Variants in MPRIP observed in about 807,000 individuals in gnomAD.
MPRIP encodes the protein myosin phosphatase Rho interacting protein, also known as myosin phosphatase Rho-interacting protein.
Under a neutral mutation model 234.9 loss-of-function variants are expected in MPRIP, and 59 were observed. The observed-to-expected ratio is 0.25, with a 90% CI of 0.20 to 0.31. The LOEUF (loss-of-function observed/expected upper bound fraction) is 0.31, where lower values mean the gene tolerates loss of function less well. MPRIP is among the 10% of genes least tolerant of loss of function. The pLI, the probability that MPRIP is intolerant of heterozygous loss-of-function variation, is 1.00. For missense variants in MPRIP, 2,436 were observed against 3,071.0 expected, an observed-to-expected ratio of 0.79 and a Z score of 4.89; for synonymous variants, 1,144 against 1,263.9, an observed-to-expected ratio of 0.91 and a Z score of 2.01.
At position 17,177,156 on chromosome 17, in the gene MPRIP, C is replaced by T. The variant is rs550811773; in HGVS notation, c.6958-94C>T. ...CTCCTCTTCCGCCCACAGCAAGCCT[C>T]CCTACCGTGTTCAGTCCCCAGGAAG... On this transcript the variant is annotated intron_variant, in intron 21 of 23. Coordinates refer to ENST00000651222, the MANE Select transcript of MPRIP (RefSeq NM_001364716.4). 1.2e-5 allele frequency: 15 copies of T among 1,269,588 alleles called. No individual in the cohort carries two copies. The South Asian group carries it at 1.7e-4, about 15-fold the overall frequency. The allele number at this position is 1,269,588 out of a possible 1,614,324, so 78.6% of individuals were successfully genotyped here.
chr17:17,064,168 A>T (rs573189290), intron 1 of MPRIP, among the ~76,000 whole-genome samples: 1 of 151,510 alleles, frequency 6.6e-6, no homozygotes. Context: ...TGCAGAGGCC[A>T]CAGTGGCTGA....
chr17:17,176,328 G>A, intron 20 of MPRIP, 98 bp from the exon 21 acceptor site: 3 of 892,606 alleles, frequency 3.4e-6, no homozygotes, highest in Non-Finnish European at 5.6e-6. Flanking sequence ...CCTGCTCACT[G>A]GTGATTGGAG....
rs947873279 is a variant in MPRIP at position 17,068,427 on chromosome 17, G to A, written c.124-7283G>A. ...GGCCTCCCAAAGTGCTGGAATTACAGGCATGAACCACCGCGCCTGGCTGAA... is the reference window on the plus strand; with the variant it reads ...GGCCTCCCAAAGTGCTGGAATTACAAGCATGAACCACCGCGCCTGGCTGAA... On this transcript the variant is annotated intron_variant, in intron 1 of 23. Coordinates refer to ENST00000651222, the MANE Select transcript of MPRIP (RefSeq NM_001364716.4). Among the ~76,000 whole-genome samples, 7 of 152,096 alleles carry A rather than the reference G, an allele frequency of 4.6e-5. No homozygotes were observed. The South Asian group carries it at 1.0e-3, about 23-fold the overall frequency.
intron 20 of MPRIP, among the ~76,000 whole-genome samples, chr17:17,176,187 G>A (rs966356233): frequency 1.3e-5 from 2 of 152,166 alleles, no homozygotes; most frequent in African/African-American, 4.8e-5. Context: ...AGCACCCCAG[G>A]CTGAGGAGGG....
chr17:17,131,031 AC>A (rs1453785133), intron 4 of MPRIP, among the ~76,000 whole-genome samples: 1 of 152,074 alleles, frequency 6.6e-6, no homozygotes, highest in Non-Finnish European at 1.5e-5. Flanking sequence ...CCCTTGCTGC[AC>A]CCCTGGTGTC....
intron 8 of MPRIP, 138 bp from the exon 9 acceptor site, chr17:17,143,418 A>G (rs1597454005): frequency 2.0e-6 from 1 of 505,974 alleles, no homozygotes; most frequent in East Asian, 3.5e-5. Context: ...CAGACTTGCT[A>G]TGGTGGCTAG....
intron 3 of MPRIP, among the ~76,000 whole-genome samples, chr17:17,092,522 C>A (rs1022348548): frequency 6.6e-6 from 1 of 152,164 alleles, no homozygotes; most frequent in South Asian, 2.1e-4. Context: ...GGCCAGAGCC[C>A]AGTTGGTGGG....
chr17:17,062,193 T>C (rs568084057), intron 1 of MPRIP, among the ~76,000 whole-genome samples: 72 of 152,224 alleles, frequency 4.7e-4, no homozygotes, highest in African/African-American at 1.7e-3. Flanking sequence ...AGGGGTTCCC[T>C]AACTACACCT....
chr17:17,090,089 G>A (rs2089680437), intron 3 of MPRIP, among the ~76,000 whole-genome samples: 1 of 152,200 alleles, frequency 6.6e-6, no homozygotes, highest in African/African-American at 2.4e-5. Flanking sequence ...CGTCTTGTTG[G>A]TGAGACTGGT....
chr17:17,058,724 A>C (rs769212234), intron 1 of MPRIP, among the ~76,000 whole-genome samples: 37 of 152,332 alleles, frequency 2.4e-4, no homozygotes, highest in Non-Finnish European at 5.0e-4. Flanking sequence ...CAGATGGACC[A>C]TATGTAACAC....
chr17:17,080,450 G>T (rs565560098), intron 3 of MPRIP, among the ~76,000 whole-genome samples: 35 of 152,360 alleles, frequency 2.3e-4, no homozygotes, highest in African/African-American at 7.9e-4. Flanking sequence ...CTCCATTTCA[G>T]ATAGGCTTAT....
intron 3 of MPRIP, among the ~76,000 whole-genome samples, chr17:17,108,986 C>T (rs1043965157): frequency 6.6e-6 from 1 of 152,204 alleles, no homozygotes; most frequent in Non-Finnish European, 1.5e-5. Flanking sequence ...CAACTTCTCC[C>T]GCCGGCTGTG....
At chr17:17,172,855 C>T (rs1597508640) in intron 18 of MPRIP, 40 bp downstream of exon 18, 1 of 1,547,996 alleles carries the variant, frequency 6.5e-7, no homozygotes, top group African/African-American at 1.4e-5. Flanking sequence ...TGGGAGGGCC[C>T]CTCTGGGGTG....
At chr17:17,096,815 G>C (rs1413507851) in intron 3 of MPRIP, 2 of 471,040 alleles carry the variant, frequency 4.2e-6, no homozygotes, top group African/African-American at 4.0e-5. Context: ...CCACAAGGGA[G>C]CTTGGATTCA....
At chr17:17,111,595 G>T (rs2090172628) in intron 3 of MPRIP, among the ~76,000 whole-genome samples, 1 of 152,218 alleles carries the variant, frequency 6.6e-6, no homozygotes, top group South Asian at 2.1e-4. Context: ...CCATGCTGGG[G>T]AACAGCTGTG....
At chr17:17,183,496 G>A (rs577196283) in intron 23 of MPRIP, among the ~76,000 whole-genome samples, 13 of 152,210 alleles carry the variant, frequency 8.5e-5, no homozygotes, top group Admixed American at 2.6e-4. Context: ...GATTACAGGC[G>A]TGAGCCACCG....
intron 20 of MPRIP, 113 bp downstream of exon 20, chr17:17,175,525 A>T: frequency 7.6e-7 from 1 of 1,317,460 alleles, no homozygotes; most frequent in Non-Finnish European, 1.0e-6. Flanking sequence ...CTGAGACAGC[A>T]GGAGTCACAG....
Position 17,077,852 on chromosome 17 carries a change from G to T in MPRIP, c.202-159G>T, listed in dbSNP as rs1010402889. 27 of 662,608 alleles carry T rather than the reference G, an allele frequency of 4.1e-5. No homozygotes were observed. In the African/African-American group the frequency reaches 4.1e-4, roughly 10 times the overall value. The allele number at this position is 662,608 out of a possible 1,614,324, so 41.0% of individuals were successfully genotyped here. On this transcript the variant is annotated intron_variant, in intron 2 of 23. Transcript: ENST00000651222. ...TCCTGGCTGATGAATCAACATTCTT[G>T]TGCCTCGGGTCCCTCTTTTCCTGCC...
At chr17:17,049,622 C>G (rs1316985254) in intron 1 of MPRIP, among the ~76,000 whole-genome samples, 1 of 152,222 alleles carries the variant, frequency 6.6e-6, no homozygotes. Context: ...CGGTGGTTTT[C>G]AAGCTTTCAT....
Sources: gnomAD v4.1 joint callset for allele counts (sites outside exome capture counted in the v4.1 genomes callset) on GRCh38, gnomAD v4.1.1 for gene constraint, MANE v1.5 for transcripts, NCBI Gene and HGNC (gene_info 2026-07-23, HGNC 2026-07-21) for gene names.